Variants in CDS2 observed in about 807,000 individuals in gnomAD.
CDS2 encodes phosphatidate cytidylyltransferase 2.
A neutral mutation model predicts 59.0 loss-of-function variants in CDS2; 47 were observed. That is an observed-to-expected ratio of 0.80 (90% CI 0.63 to 1.02). The LOEUF (loss-of-function observed/expected upper bound fraction) is 1.02, where lower values mean the gene tolerates loss of function less well. Among genes scored for constraint, CDS2 ranks in the 50% least tolerant of loss-of-function variants. The pLI is 0.00. For synonymous variants in CDS2, 207 were observed against 206.4 expected (o/e 1.00, Z -0.02); for missense variants, 356 against 558.9 (o/e 0.64, Z 3.66).
Position 5,192,350 on chromosome 20 carries a change from G to C in CDS2, c.*2116G>C, listed in dbSNP as rs149196199. On this transcript the variant is annotated 3_prime_UTR_variant, in exon 13 of 13. Coordinates refer to ENST00000460006, the MANE Select transcript of CDS2 (RefSeq NM_003818.4). ...GTGGAAGTGGTTACTTGGTGGGGGT[G>C]GGGTGGGGAAGGGGGGTCTAGGAAG... The C allele has an allele frequency of 1.6e-5, 2 of 124,996 alleles. No homozygotes were observed. Among genetic ancestry groups the C allele is most frequent in the African/African-American group, 5.3e-5 (2 of 37,660 alleles). 7.7% of individuals were successfully genotyped at this position (124,996 alleles called of 1,614,324 possible).
At chr20:5,135,758 A>C (rs1454486761) in intron 1 of CDS2, among the ~76,000 whole-genome samples, 9 of 152,178 alleles carry the variant, frequency 5.9e-5, no homozygotes, top group Non-Finnish European at 1.3e-4. Context: ...GAAGAAAGTT[A>C]AACTTTATGG....
intron 1 of CDS2, among the ~76,000 whole-genome samples, chr20:5,172,375 A>G (rs2090962479): frequency 6.6e-6 from 1 of 152,214 alleles, no homozygotes; most frequent in African/African-American, 2.4e-5. Context: ...CAAAGTACTC[A>G]AATCTGGAGC....
chr20:5,185,524 G>C (rs1370605518), intron 8 of CDS2, among the ~76,000 whole-genome samples: 1 of 152,182 alleles, frequency 6.6e-6, no homozygotes, highest in Admixed American at 6.5e-5. Flanking sequence ...CACTTAATTA[G>C]TATATCGTTT....
At chr20:5,168,439 GAA>G (rs11287231) in intron 1 of CDS2, among the ~76,000 whole-genome samples, 37 of 136,558 alleles carry the variant, frequency 2.7e-4, no homozygotes, top group South Asian at 9.1e-4. Flanking sequence ...AAAAAGAAAA[GAA>G]AAAAAAAAAA....
At chr20:5,143,431 T>C (rs1457564836) in intron 1 of CDS2, among the ~76,000 whole-genome samples, 5 of 152,194 alleles carry the variant, frequency 3.3e-5, no homozygotes, top group Non-Finnish European at 5.9e-5. Context: ...AGTTCCACTC[T>C]TAGGTGATTG....
chr20:5,143,427 A>G (rs879645746), intron 1 of CDS2, among the ~76,000 whole-genome samples: 11 of 152,110 alleles, frequency 7.2e-5, no homozygotes, highest in Non-Finnish European at 1.3e-4. Flanking sequence ...AAGCAGTTCC[A>G]CTCTTAGGTG....
intron 1 of CDS2, among the ~76,000 whole-genome samples, chr20:5,163,552 C>T (rs993264172): frequency 1.3e-5 from 2 of 152,278 alleles, no homozygotes; most frequent in East Asian, 3.9e-4. Context: ...TGAGCCACTG[C>T]GCCTGGCCAG....
chr20:5,158,154 T>C (rs1263336268), intron 1 of CDS2, among the ~76,000 whole-genome samples: 2 of 151,428 alleles, frequency 1.3e-5, no homozygotes, highest in East Asian at 1.9e-4. Flanking sequence ...GATTGGCTCC[T>C]GCTTTAGGTC....
At position 5,143,629 on chromosome 20, in the gene CDS2, CT is replaced by C. The variant is rs1156869112; in HGVS notation, c.57+16497del. On this transcript the variant is annotated intron_variant, in intron 1 of 12. Coordinates refer to ENST00000460006, the MANE Select transcript of CDS2 (RefSeq NM_003818.4). ...TTTTCTTTTTCTTCTTCTTCTTCTT[CT>C]TTTTTTTTTTTTTTTTGAGACAGAG... 5.9e-3 allele frequency among the ~76,000 whole-genome samples: 588 copies of C among 99,632 alleles called. 2 individuals are homozygous for C. The highest frequency in any genetic ancestry group is 7.1e-3 in the Non-Finnish European group (349 of 49,136). The allele number at this position is 99,632 out of a possible 152,430, so 65.4% of individuals were successfully genotyped here.
At chr20:5,129,142 CGTG>C (rs1020552678) in intron 1 of CDS2, among the ~76,000 whole-genome samples, 1 of 152,196 alleles carries the variant, frequency 6.6e-6, no homozygotes, top group African/African-American at 2.4e-5. Flanking sequence ...CCACTTGTGG[CGTG>C]TTGTTTCCTA....
At chr20:5,189,619 CCTT>C (rs1568545831) in intron 11 of CDS2, 113 bp from the exon 12 acceptor site, 1 of 708,644 alleles carries the variant, frequency 1.4e-6, no homozygotes, top group Admixed American at 2.4e-5. Context: ...ATACTTCTCA[CCTT>C]CTATTGCCCT....
intron 1 of CDS2, among the ~76,000 whole-genome samples, chr20:5,139,620 A>G (rs928854242): frequency 1.3e-5 from 2 of 152,136 alleles, no homozygotes; most frequent in African/African-American, 2.4e-5. Flanking sequence ...GAAAGTGGAC[A>G]TCCTTGTCTT....
intron 10 of CDS2, chr20:5,188,014 A>C (rs1380410471): frequency 2.0e-5 from 3 of 152,104 alleles, no homozygotes; most frequent in African/African-American, 7.2e-5. Flanking sequence ...CCTAATACTT[A>C]AAAGCCTTTT....
intron 9 of CDS2, 26 bp from the exon 10 acceptor site, chr20:5,186,661 C>A: frequency 6.2e-7 from 1 of 1,611,598 alleles, no homozygotes; most frequent in South Asian, 1.1e-5. Context: ...TACTTCCTTG[C>A]CGGTCTCTCT....
intron 1 of CDS2, among the ~76,000 whole-genome samples, chr20:5,130,651 T>C (rs1426853540): frequency 6.6e-6 from 1 of 151,800 alleles, no homozygotes. Context: ...GGCGTGGTGG[T>C]GCATGCCTGT....
At chr20:5,129,975 T>A (rs1037905565) in intron 1 of CDS2, among the ~76,000 whole-genome samples, 1 of 152,152 alleles carries the variant, frequency 6.6e-6, no homozygotes, top group South Asian at 2.1e-4. Context: ...TTGGTTTGTT[T>A]TTTTGTTTTT....
intron 1 of CDS2, among the ~76,000 whole-genome samples, chr20:5,165,244 A>G (rs75115827): frequency 4.3e-3 from 649 of 152,308 alleles, no homozygotes; most frequent in Middle Eastern, 0.01. Context: ...ACATTTGGCC[A>G]CAAATGTCTA....
intron 8 of CDS2, among the ~76,000 whole-genome samples, chr20:5,185,461 A>C (rs943863939): frequency 6.6e-6 from 1 of 152,172 alleles, no homozygotes; most frequent in Non-Finnish European, 1.5e-5. Context: ...AGATTTATAT[A>C]ATCTTTTTTG....
chr20:5,159,904 A>T (rs888160190), intron 1 of CDS2, among the ~76,000 whole-genome samples: 1 of 152,222 alleles, frequency 6.6e-6, no homozygotes, highest in African/African-American at 2.4e-5. Context: ...AGTATAAATT[A>T]CTGACACATT....
Sources: gnomAD v4.1 joint callset for allele counts (sites outside exome capture counted in the v4.1 genomes callset) on GRCh38, gnomAD v4.1.1 for gene constraint, MANE v1.5 for transcripts, NCBI Gene and HGNC (gene_info 2026-07-23, HGNC 2026-07-21) for gene names.